AKR1C8: variants seen among roughly 807,000 people sequenced by gnomAD.
The protein encoded by AKR1C8 is aldo-keto reductase family 1 member C-like protein 1.
chr10:5,138,486 T>C, the AKR1C8 span, among the ~76,000 whole-genome samples: 3 of 152,138 alleles, frequency 2.0e-5, no homozygotes, highest in Non-Finnish European at 2.9e-5. Context: ...TTCTGTTCTT[T>C]TTCAAGGTGC....
At chr10:5,161,640 C>A in the AKR1C8 span, 1 of 527,640 alleles carries the variant, frequency 1.9e-6, no homozygotes. Flanking sequence ...TCTGAATCCC[C>A]CTTAAGGCTG....
chr10:5,179,458 T>C, the AKR1C8 span, among the ~76,000 whole-genome samples: 1 of 152,172 alleles, frequency 6.6e-6, no homozygotes, highest in Non-Finnish European at 1.5e-5. Context: ...TTATGTATCT[T>C]GGAGTTGCTC....
the AKR1C8 span, among the ~76,000 whole-genome samples, chr10:5,156,618 C>T: frequency 6.6e-6 from 1 of 152,020 alleles, no homozygotes; most frequent in Non-Finnish European, 1.5e-5. Context: ...ACACATTTAT[C>T]CACCACTCTT....
At chr10:5,146,770 G>T in the AKR1C8 span, among the ~76,000 whole-genome samples, 2 of 152,076 alleles carry the variant, frequency 1.3e-5, no homozygotes, top group African/African-American at 4.8e-5. Flanking sequence ...TGCTTTTATT[G>T]CATTTGCTTT....
At chr10:5,151,218 G>A in the AKR1C8 span, among the ~76,000 whole-genome samples, 1 of 152,118 alleles carries the variant, frequency 6.6e-6, no homozygotes, top group Admixed American at 6.6e-5. Context: ...TTACAAAAGT[G>A]ATGTTATCCA....
chr10:5,140,783 G>A, the AKR1C8 span, among the ~76,000 whole-genome samples: 1 of 138,714 alleles, frequency 7.2e-6, no homozygotes, highest in African/African-American at 3.5e-5. Flanking sequence ...GTACATATAT[G>A]CAACATACCT....
chr10:5,174,775 A>C, the AKR1C8 span, among the ~76,000 whole-genome samples: 15 of 152,104 alleles, frequency 9.9e-5, no homozygotes, highest in Admixed American at 3.3e-4. Flanking sequence ...ATGAAAAGAC[A>C]TAAAAATAAA....
At chr10:5,149,618 A>G in the AKR1C8 span, among the ~76,000 whole-genome samples, 1 of 152,142 alleles carries the variant, frequency 6.6e-6, no homozygotes, top group Admixed American at 6.6e-5. Context: ...AACCCTGTAG[A>G]TGGAATAGGC....
chr10:5,138,196 G>A, the AKR1C8 span, among the ~76,000 whole-genome samples: 8 of 152,032 alleles, frequency 5.3e-5, no homozygotes, highest in African/African-American at 1.9e-4. Flanking sequence ...AAGCCCAAGG[G>A]TACTGCAGGA....
the AKR1C8 span, chr10:5,123,782 C>A: frequency 6.2e-7 from 1 of 1,613,338 alleles, no homozygotes; most frequent in Admixed American, 1.7e-5. Context: ...TGCAGAAATC[C>A]AGCAGTTTGC....
chr10:5,136,290 G>A, the AKR1C8 span, among the ~76,000 whole-genome samples: 7 of 152,212 alleles, frequency 4.6e-5, no homozygotes, highest in South Asian at 2.1e-4. Context: ...GCTCACACCC[G>A]TAATCCCAGC....
chr10:5,141,549 T>C, the AKR1C8 span, among the ~76,000 whole-genome samples: 1 of 152,178 alleles, frequency 6.6e-6, no homozygotes, highest in African/African-American at 2.4e-5. Context: ...CTGATTGAAA[T>C]GTATTTTATG....
At chr10:5,163,864 C>T in the AKR1C8 span, among the ~76,000 whole-genome samples, 8 of 151,416 alleles carry the variant, frequency 5.3e-5, no homozygotes, top group Admixed American at 2.0e-4. Context: ...ATAAAAACGC[C>T]TTTGTCCTTT....
the AKR1C8 span, among the ~76,000 whole-genome samples, chr10:5,169,839 T>C: frequency 0.018 from 2,667 of 152,054 alleles, 76 homozygotes; most frequent in African/African-American, 0.061. Context: ...TTTGGTGAGG[T>C]AGGGTTGAGG....
the AKR1C8 span, among the ~76,000 whole-genome samples, chr10:5,136,712 A>T: frequency 4.7e-3 from 716 of 152,326 alleles, 14 homozygotes; most frequent in African/African-American, 0.016. Flanking sequence ...AATGGGTTTT[A>T]AAAAATCCAG....
At chr10:5,161,103 G>T in the AKR1C8 span, among the ~76,000 whole-genome samples, 1 of 152,042 alleles carries the variant, frequency 6.6e-6, no homozygotes, top group African/African-American at 2.4e-5. Flanking sequence ...ATGCATGTGT[G>T]GATTATGTGT....
At chr10:5,156,342 T>A in the AKR1C8 span, among the ~76,000 whole-genome samples, 403 of 152,354 alleles carry the variant, frequency 2.6e-3, 1 homozygote, top group African/African-American at 9.1e-3. Flanking sequence ...GACACTTAGA[T>A]CTTATGTTCA....
the AKR1C8 span, among the ~76,000 whole-genome samples, chr10:5,183,722 T>G: frequency 8.6e-3 from 1,302 of 152,066 alleles, 27 homozygotes; most frequent in African/African-American, 0.03. Flanking sequence ...TAGAGTGAGT[T>G]CTTGGTAAAA....
At chr10:5,172,682 C>A in the AKR1C8 span, among the ~76,000 whole-genome samples, 1 of 152,104 alleles carries the variant, frequency 6.6e-6, no homozygotes, top group Non-Finnish European at 1.5e-5. Flanking sequence ...CGTATGCTGG[C>A]AACTCTTAAG....
Sources: gnomAD v4.1 joint callset for allele counts (sites outside exome capture counted in the v4.1 genomes callset) on GRCh38, gnomAD v4.1.1 for gene constraint, MANE v1.5 for transcripts, NCBI Gene and HGNC (gene_info 2026-07-23, HGNC 2026-07-21) for gene names.